Variants in KCTD16 observed in about 807,000 individuals in gnomAD.
KCTD16 encodes BTB/POZ domain-containing protein KCTD16.
In KCTD16, 13 loss-of-function variants were observed where a neutral mutation model predicts 33.2. That is an observed-to-expected ratio of 0.39 (90% confidence interval 0.25 to 0.62). KCTD16 has a LOEUF of 0.62. Among genes scored for constraint, KCTD16 ranks in the 20% least tolerant of loss-of-function variants. The pLI, the probability that KCTD16 is intolerant of heterozygous loss-of-function variation, is 0.50. For missense variants in KCTD16, 441 were observed against 525.1 expected (o/e 0.84, Z 1.57); for synonymous variants, 197 against 195.3 (o/e 1.01, Z -0.07).
chr5:144,456,863 T>C (rs1405225562), intron 3 of KCTD16, among the ~76,000 whole-genome samples: 1 of 152,034 alleles, frequency 6.6e-6, no homozygotes, highest in Non-Finnish European at 1.5e-5. Context: ...CACTTTGAAA[T>C]TGTTTTTCCC....
chr5:144,415,589 C>T (rs1753030581), intron 3 of KCTD16, among the ~76,000 whole-genome samples: 1 of 152,112 alleles, frequency 6.6e-6, no homozygotes, highest in South Asian at 2.1e-4. Context: ...AGACCCAAAA[C>T]AAGCTTTGAG....
At chr5:144,223,233 G>A (rs919968652) in intron 3 of KCTD16, among the ~76,000 whole-genome samples, 2 of 152,056 alleles carry the variant, frequency 1.3e-5, no homozygotes, top group African/African-American at 4.8e-5. Context: ...CATGGCACAT[G>A]TATACATATG....
intron 3 of KCTD16, among the ~76,000 whole-genome samples, chr5:144,333,964 G>C (rs117686752): frequency 6.6e-6 from 1 of 152,072 alleles, no homozygotes; most frequent in East Asian, 1.9e-4. Flanking sequence ...TTGGCCTACC[G>C]TTATCCAACA....
intron 3 of KCTD16, among the ~76,000 whole-genome samples, chr5:144,390,985 G>A (rs192122456): frequency 2.0e-5 from 3 of 152,120 alleles, no homozygotes; most frequent in African/African-American, 7.2e-5. Context: ...CAAGGTGGTT[G>A]GTGCCTTTAT....
rs1258547202 is a variant in KCTD16 at position 144,483,148 on chromosome 5, A to C, written c.*9034A>C. 1 of 151,094 alleles carries C rather than the reference A, an allele frequency of 6.6e-6. No homozygotes were observed. The highest frequency in any genetic ancestry group is 1.5e-5 in the Non-Finnish European group (1 of 67,704). 9.4% of individuals were successfully genotyped at this position (151,094 alleles called of 1,614,324 possible). On this transcript the variant is annotated 3_prime_UTR_variant, in exon 4 of 4. Coordinates refer to ENST00000512467, the MANE Select transcript of KCTD16 (RefSeq NM_020768.4). ...CACACTTCTTCATTCCAAAAAAAAAAAAAAAACCAAACCAGAAAAAACCCA... is the reference window on the plus strand; with the variant it reads ...CACACTTCTTCATTCCAAAAAAAAACAAAAAACCAAACCAGAAAAAACCCA...
At chr5:144,212,451 G>T (rs1040513266) in intron 3 of KCTD16, among the ~76,000 whole-genome samples, 4 of 152,096 alleles carry the variant, frequency 2.6e-5, no homozygotes, top group African/African-American at 7.2e-5. Context: ...CTCTGAAGTT[G>T]CCCCCAAGTG....
At chr5:144,286,012 A>G (rs979574219) in intron 3 of KCTD16, among the ~76,000 whole-genome samples, 2 of 143,692 alleles carry the variant, frequency 1.4e-5, no homozygotes, top group East Asian at 4.0e-4. Context: ...GGATATCATC[A>G]TGATATTTTT....
chr5:144,227,090 T>C (rs1385436712), intron 3 of KCTD16, among the ~76,000 whole-genome samples: 2 of 152,202 alleles, frequency 1.3e-5, no homozygotes, highest in East Asian at 3.8e-4. Context: ...AGGATGTGTA[T>C]GTATACATGT....
At position 144,432,388 on chromosome 5, in the gene KCTD16, G is replaced by C. The variant is rs1037886172; in HGVS notation, c.833-41272G>C. ...TACCCATTTTATAGATGAAGAAACA[G>C]ATTCAGAGAAGTAAATTTCTCAAAG... On this transcript the variant is annotated intron_variant, in intron 3 of 3. Transcript: ENST00000512467. 7.9e-5 allele frequency among the ~76,000 whole-genome samples: 12 copies of C among 152,136 alleles called. No homozygotes were observed. In the East Asian group the frequency reaches 2.1e-3, roughly 27 times the overall value.
Position 144,476,580 on chromosome 5 carries a change from C to T in KCTD16, c.*2466C>T, listed in dbSNP as rs191451341. 1.2e-4 allele frequency: 19 copies of T among 152,248 alleles called. No individual in the cohort carries two copies. The East Asian group carries it at 1.4e-3, about 11-fold the overall frequency. 9.4% of individuals were successfully genotyped at this position (152,248 alleles called of 1,614,324 possible). A position where few individuals can be genotyped will look rare whatever the true frequency, so the allele number is the denominator to read the frequency against. On this transcript the variant is annotated 3_prime_UTR_variant, in exon 4 of 4. Coordinates refer to ENST00000512467, the MANE Select transcript of KCTD16 (RefSeq NM_020768.4). Reference sequence around the variant, plus strand: ...AATATTTTTATTCTGGGCCACCTCTCGACTGGCACTCATCCCATGGTAAAA... The same window carrying T: ...AATATTTTTATTCTGGGCCACCTCTTGACTGGCACTCATCCCATGGTAAAA...
At chr5:144,360,940 C>T (rs1248356118) in intron 3 of KCTD16, among the ~76,000 whole-genome samples, 1 of 151,294 alleles carries the variant, frequency 6.6e-6, no homozygotes, top group African/African-American at 2.4e-5. Flanking sequence ...TTTTAGGGTA[C>T]ATGTGCACAA....
At chr5:144,323,616 A>G (rs10067904) in intron 3 of KCTD16, among the ~76,000 whole-genome samples, 12,591 of 152,198 alleles carry the variant, frequency 0.083, 1,265 homozygotes, top group African/African-American at 0.23. Context: ...TTGACTGGGG[A>G]AAGTCCATGG....
At chr5:144,415,266 C>T (rs543247461) in intron 3 of KCTD16, among the ~76,000 whole-genome samples, 4 of 152,128 alleles carry the variant, frequency 2.6e-5, no homozygotes, top group African/African-American at 7.2e-5. Flanking sequence ...ATGAACCAAG[C>T]ACCTCCCATT....
intron 3 of KCTD16, among the ~76,000 whole-genome samples, chr5:144,387,140 T>TA (rs940790938): frequency 1.6e-5 from 2 of 128,220 alleles, no homozygotes; most frequent in African/African-American, 7.9e-5. Context: ...CTAATTTAAT[T>TA]TTTTTTTTTT....
chr5:144,272,937 A>G (rs1031742129), intron 3 of KCTD16, among the ~76,000 whole-genome samples: 5 of 152,198 alleles, frequency 3.3e-5, no homozygotes, highest in East Asian at 3.9e-4. Flanking sequence ...TTTTTTGGGC[A>G]TAACATCAAA....
At chr5:144,345,578 G>A (rs1158690056) in intron 3 of KCTD16, among the ~76,000 whole-genome samples, 5 of 151,922 alleles carry the variant, frequency 3.3e-5, no homozygotes, top group African/African-American at 9.7e-5. Context: ...GATATTTACC[G>A]AGTACCTATC....
At chr5:144,352,037 A>G (rs1182961245) in intron 3 of KCTD16, among the ~76,000 whole-genome samples, 2 of 152,226 alleles carry the variant, frequency 1.3e-5, no homozygotes, top group African/African-American at 4.8e-5. Flanking sequence ...AACTATTCTT[A>G]ACAAAAAAAT....
chr5:144,431,355 C>T lies in KCTD16; in HGVS notation c.833-42305C>T, dbSNP rs73792006. The stretch of plus-strand genomic sequence containing the variant: ...AACTTGAGCAAGATGAAGAGACTTG[C>T]TTTAGCTTCTTCACAAATACAATGA... On this transcript the variant is annotated intron_variant, in intron 3 of 3. Transcript: ENST00000512467. Among the ~76,000 whole-genome samples, 1,454 of 152,256 alleles carry T rather than the reference C, an allele frequency of 9.5e-3. 23 individuals are homozygous for T. Among genetic ancestry groups the T allele is most frequent in the African/African-American group, 0.033 (1,367 of 41,552 alleles).
chr5:144,290,081 G>C (rs1189805453), intron 3 of KCTD16, among the ~76,000 whole-genome samples: 1 of 152,144 alleles, frequency 6.6e-6, no homozygotes, highest in Non-Finnish European at 1.5e-5. Flanking sequence ...AGGAGTTCGA[G>C]ACCAGCCTGG....
Sources: gnomAD v4.1 joint callset for allele counts (sites outside exome capture counted in the v4.1 genomes callset) on GRCh38, gnomAD v4.1.1 for gene constraint, MANE v1.5 for transcripts, NCBI Gene and HGNC (gene_info 2026-07-23, HGNC 2026-07-21) for gene names.